Variants in LEF1 observed in about 807,000 individuals in gnomAD.
LEF1 encodes the protein lymphoid enhancer-binding factor 1.
In LEF1, 14 loss-of-function variants were observed where a neutral mutation model predicts 51.2. The ratio of observed to expected loss-of-function variants is 0.27; its 90% CI spans 0.18 to 0.43. The LOEUF (loss-of-function observed/expected upper bound fraction) is 0.43, where lower values mean the gene tolerates loss of function less well. Among genes scored for constraint, LEF1 ranks in the 20% least tolerant of loss-of-function variants. The pLI, the probability that LEF1 is intolerant of heterozygous loss-of-function variation, is 1.00. For missense variants in LEF1, 386 were observed against 512.0 expected (o/e 0.75, Z 2.37); for synonymous variants, 185 against 183.2 (o/e 1.01, Z -0.08).
chr4:108,121,233 T>C (rs1182666152), intron 3 of LEF1, among the ~76,000 whole-genome samples: 2 of 152,258 alleles, frequency 1.3e-5, no homozygotes, highest in African/African-American at 4.8e-5. Context: ...CTACTACAGT[T>C]GGTGCCAGGC....
intron 3 of LEF1, among the ~76,000 whole-genome samples, chr4:108,126,885 G>A (rs941999615): frequency 3.3e-5 from 5 of 151,038 alleles, no homozygotes; most frequent in African/African-American, 1.2e-4. Context: ...GTGTGTGTGT[G>A]TGTGTGTGTA....
At chr4:108,131,915 C>A (rs1742924576) in intron 3 of LEF1, among the ~76,000 whole-genome samples, 1 of 152,120 alleles carries the variant, frequency 6.6e-6, no homozygotes. Context: ...AGGGTTATTT[C>A]TTTCTAGTGC....
At chr4:108,166,185 C>A in intron 1 of LEF1, 2 of 1,397,180 alleles carry the variant, frequency 1.4e-6, no homozygotes, top group Admixed American at 2.6e-5. Flanking sequence ...CCCCCGCCCC[C>A]AGCCCGCTCA....
intron 9 of LEF1, among the ~76,000 whole-genome samples, chr4:108,064,928 T>C (rs1315529496): frequency 2.6e-5 from 4 of 152,044 alleles, no homozygotes; most frequent in African/African-American, 7.2e-5. Context: ...CTGGTGTTAA[T>C]TGAGTACCCA....
chr4:108,105,274 G>A (rs536184359), intron 3 of LEF1, among the ~76,000 whole-genome samples: 48 of 148,354 alleles, frequency 3.2e-4, no homozygotes, highest in South Asian at 1.1e-3. Context: ...TCTGCCTCCC[G>A]GGTTCCAGCA....
intron 9 of LEF1, among the ~76,000 whole-genome samples, chr4:108,065,745 C>T (rs993326817): frequency 6.6e-6 from 1 of 152,156 alleles, no homozygotes; most frequent in Non-Finnish European, 1.5e-5. Context: ...TTGATTATTA[C>T]AGCAGACATA....
chr4:108,149,578 A>G (rs1291585464), intron 3 of LEF1, among the ~76,000 whole-genome samples: 3 of 150,854 alleles, frequency 2.0e-5, no homozygotes, highest in Non-Finnish European at 3.0e-5. Flanking sequence ...CCAATAAATT[A>G]AAGTGTGTAT....
chr4:108,158,667 T>C (rs1421300360), intron 3 of LEF1, among the ~76,000 whole-genome samples: 2 of 151,942 alleles, frequency 1.3e-5, no homozygotes, highest in Admixed American at 6.6e-5. Context: ...AGTGTTTTGA[T>C]TGCTCAAAAA....
At chr4:108,134,336 C>T (rs941849268) in intron 3 of LEF1, among the ~76,000 whole-genome samples, 2 of 152,240 alleles carry the variant, frequency 1.3e-5, no homozygotes, top group Non-Finnish European at 2.9e-5. Flanking sequence ...TCTCCCTTAT[C>T]CACTGTGCCT....
intron 3 of LEF1, among the ~76,000 whole-genome samples, chr4:108,145,748 G>A (rs1743961538): frequency 6.6e-6 from 1 of 152,190 alleles, no homozygotes; most frequent in Non-Finnish European, 1.5e-5. Flanking sequence ...CCCTATATGT[G>A]CCTATGATTC....
intron 3 of LEF1, among the ~76,000 whole-genome samples, chr4:108,146,514 G>T (rs1441617093): frequency 6.6e-6 from 1 of 152,178 alleles, no homozygotes; most frequent in East Asian, 1.9e-4. Flanking sequence ...ATCAGACCTT[G>T]CTTCACCTCT....
chr4:108,157,726 C>G (rs527236460), intron 3 of LEF1, among the ~76,000 whole-genome samples: 1 of 152,328 alleles, frequency 6.6e-6, no homozygotes, highest in East Asian at 1.9e-4. Flanking sequence ...AAAACTCTTG[C>G]TTGCTCTGCA....
intron 9 of LEF1, among the ~76,000 whole-genome samples, chr4:108,065,522 A>G (rs1019161552): frequency 6.6e-6 from 1 of 152,148 alleles, no homozygotes; most frequent in African/African-American, 2.4e-5. Flanking sequence ...AGAAGACTCC[A>G]TTATTTTTGA....
chr4:108,148,085 A>C (rs1187804254), intron 3 of LEF1, among the ~76,000 whole-genome samples: 1 of 152,182 alleles, frequency 6.6e-6, no homozygotes, highest in African/African-American at 2.4e-5. Flanking sequence ...GTACTAAATA[A>C]ACAGTGACAC....
intron 3 of LEF1, among the ~76,000 whole-genome samples, chr4:108,145,724 C>T (rs1262871009): frequency 6.6e-6 from 1 of 152,186 alleles, no homozygotes; most frequent in African/African-American, 2.4e-5. Context: ...AGAAGCCAGT[C>T]ACAAAGGACT....
At chr4:108,077,685 G>A (rs1473488588) in intron 8 of LEF1, among the ~76,000 whole-genome samples, 1 of 148,620 alleles carries the variant, frequency 6.7e-6, no homozygotes, top group Non-Finnish European at 1.5e-5. Context: ...CTTCTGCGCA[G>A]CTGCCGCCCC....
chr4:108,084,620 C>A (rs557436454), intron 4 of LEF1, among the ~76,000 whole-genome samples: 2 of 152,288 alleles, frequency 1.3e-5, no homozygotes, highest in Admixed American at 1.3e-4. Context: ...TCAATTCTTA[C>A]AGAAAGTAGG....
intron 11 of LEF1, among the ~76,000 whole-genome samples, chr4:108,054,768 C>CA (rs200432320): frequency 4.5e-4 from 68 of 151,012 alleles, no homozygotes; most frequent in African/African-American, 1.5e-3. Flanking sequence ...AATCCCAATA[C>CA]AAAAAAAAAG....
chr4:108,120,821 G>A (rs1267380300), intron 3 of LEF1, among the ~76,000 whole-genome samples: 2 of 152,220 alleles, frequency 1.3e-5, no homozygotes, highest in African/African-American at 4.8e-5. Context: ...AAGCTGTCAA[G>A]CTTATGTTGC....
Sources: gnomAD v4.1 joint callset for allele counts (sites outside exome capture counted in the v4.1 genomes callset) on GRCh38, gnomAD v4.1.1 for gene constraint, MANE v1.5 for transcripts, NCBI Gene and HGNC (gene_info 2026-07-23, HGNC 2026-07-21) for gene names.